Variants in FCHO1 observed in about 807,000 individuals in gnomAD.
The protein encoded by FCHO1 is F-BAR domain only protein 1.
Under a neutral mutation model 114.4 loss-of-function variants are expected in FCHO1, and 45 were observed. The observed-to-expected ratio is 0.39, with a 90% confidence interval of 0.31 to 0.50. FCHO1 has a LOEUF of 0.50. FCHO1 is among the 20% of genes least tolerant of loss of function. The probability of loss-of-function intolerance (pLI) is 0.77; values close to 1 mark genes in which losing one functional copy is unlikely to be tolerated. For synonymous variants in FCHO1, 480 were observed against 488.9 expected, an observed-to-expected ratio of 0.98 and a Z score of 0.24; for missense variants, 1,042 against 1,209.6, an observed-to-expected ratio of 0.86 and a Z score of 2.06.
chr19:17,766,783 CG>C lies in FCHO1; in HGVS notation c.310del (p.Glu104ArgfsTer15). 1 of 1,614,080 alleles carries C rather than the reference CG, an allele frequency of 6.2e-7. No homozygotes were observed. The highest frequency in any genetic ancestry group is 8.5e-7 in the Non-Finnish European group (1 of 1,179,996). ...TCATCAAGGACGTTCTCCGCTACGG[CG>C]AGGAACAGCTCAAGACCCACAAGAA... ...DLIKDVLRYG[E>X]EQLKTHKKCK... On this transcript the variant is annotated frameshift_variant, in exon 7 of 29. Transcript: ENST00000596536. LOFTEE classifies it high-confidence loss of function.
At position 17,783,002 on chromosome 19, in the gene FCHO1, C is replaced by T; in HGVS notation, c.1938-15C>T. The T allele has an allele frequency of 6.2e-7, 1 of 1,613,260 alleles. No homozygotes were observed. Among genetic ancestry groups the T allele is most frequent in the Non-Finnish European group, 8.5e-7 (1 of 1,179,444 alleles). ...AGAGCCCTAAGCCAACACCCAGTCC[C>T]CTCATCCTCCCTAGCTGCCTGGCTC... is the stretch of plus-strand genomic sequence containing the variant. On this transcript the variant is annotated splice_polypyrimidine_tract_variant and intron_variant, in intron 23 of 28. Transcript: ENST00000596536.
At chr19:17,781,680 G>A (rs201554914) in intron 22 of FCHO1, 32 bp from the exon 23 acceptor site, 35 of 1,564,824 alleles carry the variant, frequency 2.2e-5, no homozygotes, top group Non-Finnish European at 2.8e-5. Context: ...CTGTCTATCC[G>A]TTGTTCCCCA....
rs757701170 is a variant in FCHO1 at position 17,764,432 on chromosome 19, C to G, written c.177C>G (p.Ser59Arg). Residue 59 changes from serine (S) to arginine (R), a missense_variant, in exon 6 of 29, where the codon AGC becomes AGG. Around this residue, in one of 3 missense-constraint regions of FCHO1, gnomAD observed 450 missense variants for 564.1 expected, o/e 0.80. Coordinates refer to ENST00000596536, the MANE Select transcript of FCHO1 (RefSeq NM_015122.3). ...TGGCGAAACTCTCCAAGCTGGCCAG[C>G]AACGGGACCCCCATGGGGTGAGTGG... Reference protein sequence around the residue: ...KAMAKLSKLASNGTPMGTFAP... With the variant: ...KAMAKLSKLARNGTPMGTFAP... 6.2e-7 allele frequency: 1 copy of G among 1,613,060 alleles called. No individual in the cohort carries two copies.
rs963207982 is a variant in FCHO1 at position 17,776,772 on chromosome 19, C to A, written c.1259+86C>A. ...TGTCTCCGCCTGGTGTTCTCTTGTC[C>A]CGGCTGGGAGTTGACGTCATGCTGG... On this transcript the variant is annotated intron_variant, in intron 18 of 28. Coordinates refer to ENST00000596536, the MANE Select transcript of FCHO1 (RefSeq NM_015122.3). The surrounding 1 kb of genome is among the most constrained non-coding windows in gnomAD (Gnocchi z 4.4). 6.3e-5 allele frequency: 83 copies of A among 1,317,522 alleles called. No homozygotes were observed. Among genetic ancestry groups the A allele is most frequent in the Non-Finnish European group, 8.8e-5 (82 of 929,022 alleles). 81.6% of individuals were successfully genotyped at this position (1,317,522 alleles called of 1,614,324 possible).
chr19:17,774,832 G>T (rs1293461967), intron 13 of FCHO1: 2 of 586,972 alleles, frequency 3.4e-6, no homozygotes, highest in Non-Finnish European at 6.0e-6. Context: ...TGAGTTCCAG[G>T]ATTCCTTCCC....
rs571592745 is a variant in FCHO1 at position 17,775,315 on chromosome 19, A to G, written c.946-141A>G. 29 of 914,958 alleles carry G rather than the reference A, an allele frequency of 3.2e-5. No individual in the cohort carries two copies. The South Asian group carries it at 3.8e-4, about 12-fold the overall frequency. 56.7% of individuals were successfully genotyped at this position (914,958 alleles called of 1,614,324 possible). On this transcript the variant is annotated intron_variant, in intron 14 of 28. Transcript: ENST00000596536. This position sits in a 1 kb window ranked among gnomAD's most constrained non-coding sequence, Gnocchi z 5.1. ...GTCCCAGGAACCTGCCCACACACCC[A>G]GGGAAGACAGTCGTTGCCATCAGGG...
In FCHO1 at chr19:17,774,347, G is replaced by A. The variant is rs371028271; in HGVS notation, c.836-47G>A. The A allele has an allele frequency of 1.5e-5, 25 of 1,612,996 alleles. No homozygotes were observed. In the African/African-American group the frequency reaches 2.4e-4, roughly 16 times the overall value. On this transcript the variant is annotated intron_variant, in intron 12 of 28. Coordinates refer to ENST00000596536, the MANE Select transcript of FCHO1 (RefSeq NM_015122.3). ...GGGGGTGAGGGAGGCTGATCTGAAT[G>A]TGAAAGGAGGCTCACAGTGCTCAGG...
At position 17,781,775 on chromosome 19, in the gene FCHO1, C is replaced by G. The variant is rs377307797; in HGVS notation, c.1892C>G (p.Ala631Gly). 23 of 1,611,786 alleles carry G rather than the reference C, an allele frequency of 1.4e-5. No homozygotes were observed. Among genetic ancestry groups the G allele is most frequent in the Non-Finnish European group, 1.9e-5 (22 of 1,178,884 alleles). The change falls in exon 23 of 29, where the codon GCC becomes GGC. Residue 631 changes from alanine (A) to glycine (G), a missense_variant. Transcript: ENST00000596536. ...CAGGATGCCCTGCCCATAGCCACAG[C>G]CTTCACAGAGTATGTCCACGCCTAC... Reference protein sequence around the residue: ...GSQDALPIATAFTEYVHAYFR... With the variant: ...GSQDALPIATGFTEYVHAYFR...
rs1400652174 is a variant in FCHO1, at chr19:17,784,836, G to C, written c.2338G>C (p.Ala780Pro). 6.2e-7 allele frequency: 1 copy of C among 1,613,930 alleles called. No homozygotes were observed. The highest frequency in any genetic ancestry group is 1.1e-5 in the South Asian group (1 of 91,086). ...GTACGGCTACCGGCCCGGTGCCACGGCTGTGCCCACACCACTCACGAACGT... is the reference window on the plus strand; with the variant it reads ...GTACGGCTACCGGCCCGGTGCCACGCCTGTGCCCACACCACTCACGAACGT... ...VEYGYRPGATAVPTPLTNVQI... is the reference protein window; with the variant it reads ...VEYGYRPGATPVPTPLTNVQI... Residue 780 changes from alanine to proline, a missense_variant, in exon 26 of 29, where the codon GCT becomes CCT. Around this residue, in one of 3 missense-constraint regions of FCHO1, gnomAD observed 137 missense variants for 190.0 expected, o/e 0.72. Coordinates refer to ENST00000596536, the MANE Select transcript of FCHO1 (RefSeq NM_015122.3). The surrounding 1 kb of genome is among the most constrained non-coding windows in gnomAD (Gnocchi z 5.3).
At chr19:17,764,113 C>T (rs1441736408) in intron 5 of FCHO1, among the ~76,000 whole-genome samples, 1 of 151,376 alleles carries the variant, frequency 6.6e-6, no homozygotes, top group Non-Finnish European at 1.5e-5. Context: ...GATCTCAGCT[C>T]ACCGCAACCT....
chr19:17,763,161 A>G (rs547435896), intron 5 of FCHO1, among the ~76,000 whole-genome samples: 39 of 150,808 alleles, frequency 2.6e-4, no homozygotes, highest in Non-Finnish European at 4.7e-4. Context: ...CAGTGACCCA[A>G]TCATAGCTCA....
chr19:17,784,910 GCCGGCTGCCA>G lies in FCHO1; in HGVS notation c.2415_2424del (p.Ala806GlyfsTer68). 2 of 1,611,748 alleles carry G rather than the reference GCCGGCTGCCA, an allele frequency of 1.2e-6. No homozygotes were observed. Among genetic ancestry groups the G allele is most frequent in the Non-Finnish European group, 1.7e-6 (2 of 1,180,004 alleles). ...AGCCTGTGACCAACGTCCGCTTGCA[GCCGGCTGCCA>G]CCTGGTGAGGGCTTGCGGGAGGCCA... On this transcript the variant is annotated frameshift_variant, in exon 26 of 29. Transcript: ENST00000596536. LOFTEE classifies it high-confidence loss of function. This position sits in a 1 kb window ranked among gnomAD's most constrained non-coding sequence, Gnocchi z 5.3.
chr19:17,755,828 C>A (rs1055939507), intron 4 of FCHO1, among the ~76,000 whole-genome samples: 4 of 152,316 alleles, frequency 2.6e-5, no homozygotes, highest in Admixed American at 2.6e-4. Context: ...CACCTTCAGC[C>A]CTGCAGGACC....
At chr19:17,750,376 T>C (rs1439316816), upstream of FCHO1, among the ~76,000 whole-genome samples, 1 of 152,154 alleles carries the variant, frequency 6.6e-6, no homozygotes, top group African/African-American at 2.4e-5. Flanking sequence ...GGGAAAAAAA[T>C]GAACTCTTGG....
At chr19:17,756,178 C>T (rs1648590721) in intron 4 of FCHO1, among the ~76,000 whole-genome samples, 1 of 152,204 alleles carries the variant, frequency 6.6e-6, no homozygotes, top group Non-Finnish European at 1.5e-5. Context: ...CTCTTGAAAG[C>T]ACTTGCTTTC....
intron 19 of FCHO1, 97 bp from the exon 20 acceptor site, chr19:17,778,512 C>T (rs1212487120): frequency 5.7e-6 from 8 of 1,408,420 alleles, no homozygotes; most frequent in East Asian, 2.5e-5. Flanking sequence ...TGGGGGCCCC[C>T]CTGACCTTCC....
At chr19:17,753,398 A>G (rs1373126188) in intron 1 of FCHO1, among the ~76,000 whole-genome samples, 1 of 152,194 alleles carries the variant, frequency 6.6e-6, no homozygotes, top group African/African-American at 2.4e-5. Context: ...TTCATGCTTT[A>G]AAACCCCAAC....
At chr19:17,749,821 C>G (rs560075678), upstream of FCHO1, among the ~76,000 whole-genome samples, 6 of 152,228 alleles carry the variant, frequency 3.9e-5, no homozygotes, top group South Asian at 1.2e-3. Flanking sequence ...CAGCATGGTA[C>G]CTGCTTGAAC....
At chr19:17,760,334 A>G (rs979414919) in intron 4 of FCHO1, among the ~76,000 whole-genome samples, 4 of 152,034 alleles carry the variant, frequency 2.6e-5, no homozygotes, top group African/African-American at 4.8e-5. Flanking sequence ...TACAGGTGTG[A>G]GGCACCGCGC....
Sources: allele counts gnomAD v4.1 joint callset (sites outside exome capture counted in the v4.1 genomes callset), GRCh38; gene constraint gnomAD v4.1.1; regional missense constraint gnomAD v4.1.1; non-coding constraint Gnocchi (gnomAD v3.1); transcripts MANE v1.5; gene names NCBI Gene and HGNC (gene_info 2026-07-23, HGNC 2026-07-21).